RPL10A: variants seen among roughly 807,000 people sequenced by gnomAD.
RPL10A encodes ribosomal protein L10a.
In RPL10A, 11 loss-of-function variants were observed where a neutral mutation model predicts 24.6. The observed-to-expected ratio is 0.45, with a 90% CI of 0.28 to 0.74. The LOEUF is 0.74. RPL10A is among the 30% of genes least tolerant of loss of function. The probability of loss-of-function intolerance (pLI) is 0.13; values close to 1 mark genes in which losing one functional copy is unlikely to be tolerated. For synonymous variants in RPL10A, 98 were observed against 108.5 expected, an observed-to-expected ratio of 0.90 and a Z score of 0.60; for missense variants, 136 against 273.1, an observed-to-expected ratio of 0.50 and a Z score of 3.54.
chr6:35,470,638 A>G lies in RPL10A; in HGVS notation c.542A>G (p.Tyr181Cys), dbSNP rs1308665260. Residue 181 changes from tyrosine to cysteine, a missense_variant, in exon 6 of 6, where the codon TAT (tyrosine) becomes TGT (cysteine). Transcript: ENST00000322203. This position sits in a 1 kb window ranked among gnomAD's most constrained non-coding sequence, Gnocchi z 4.6. ...HVKMTDDELV[Y>C]NIHLAVNFLV... ...AAGATGACAGACGATGAGCTTGTGT[A>G]TAACATTCACCTGGCTGTCAACTTC... is the stretch of plus-strand genomic sequence containing the variant. The G allele has an allele frequency of 1.9e-6, 3 of 1,613,946 alleles. No individual in the cohort carries two copies. The highest frequency in any genetic ancestry group is 2.5e-6 in the Non-Finnish European group (3 of 1,179,952).
intron 1 of RPL10A, 140 bp downstream of exon 1, chr6:35,468,579 G>A: frequency 6.3e-7 from 1 of 1,580,296 alleles, no homozygotes; most frequent in Non-Finnish European, 8.6e-7. Flanking sequence ...TCGGCCTGCG[G>A]GTCGCCCTTC....
chr6:35,468,920 G>A (rs1434419083), intron 2 of RPL10A, 27 bp from the exon 3 acceptor site: 4 of 1,613,684 alleles, frequency 2.5e-6, no homozygotes, highest in African/African-American at 2.7e-5. Flanking sequence ...GGGCCGGCGG[G>A]TGCTTAACCC....
intron 3 of RPL10A, 91 bp downstream of exon 3, chr6:35,469,118 G>C (rs1767962640): frequency 1.0e-5 from 16 of 1,569,444 alleles, no homozygotes; most frequent in Admixed American, 1.8e-5. Flanking sequence ...CGGGCACGTC[G>C]GTACTGATGT....
At chr6:35,469,142 A>C in intron 3 of RPL10A, 115 bp downstream of exon 3, 2 of 1,514,274 alleles carry the variant, frequency 1.3e-6, no homozygotes, top group East Asian at 4.8e-5. Flanking sequence ...AGGGTAGTTC[A>C]GACCCCCTGC....
At chr6:35,468,710 C>T (rs1401767494) in intron 1 of RPL10A, 89 bp from the exon 2 acceptor site, 7 of 1,538,452 alleles carry the variant, frequency 4.6e-6, no homozygotes, top group South Asian at 1.2e-5. Flanking sequence ...GCCGCCCGCC[C>T]GTCTCGAAGC....
rs1003951962 is a variant in RPL10A at position 35,468,529 on chromosome 6, C to A, written c.5+90C>A. ...GGATCCTGTAGGCCGCGCCGCGGAC[C>A]CTTGCGCCACCTGCGCCGCGGGGCA... On this transcript the variant is annotated intron_variant, in intron 1 of 5. Transcript: ENST00000322203. 1.4e-5 allele frequency: 22 copies of A among 1,609,752 alleles called. No homozygotes were observed. The East Asian group carries it at 4.7e-4, about 34-fold the overall frequency.
chr6:35,470,134 G>C lies in RPL10A; in HGVS notation c.311-45G>C. Reference sequence around the variant, plus strand: ...CCTGCCACATTTGAGGTGTGCCTTGGTGACCAGGTTCTAAGCAATGCCAAT... The same window carrying C: ...CCTGCCACATTTGAGGTGTGCCTTGCTGACCAGGTTCTAAGCAATGCCAAT... On this transcript the variant is annotated intron_variant, in intron 4 of 5. Transcript: ENST00000322203. This position sits in a 1 kb window ranked among gnomAD's most constrained non-coding sequence, Gnocchi z 4.6. 1 of 1,579,990 alleles carries C rather than the reference G, an allele frequency of 6.3e-7. No individual in the cohort carries two copies. The highest frequency in any genetic ancestry group is 1.3e-5 in the African/African-American group (1 of 74,170).
At position 35,468,978 on chromosome 6, in the gene RPL10A, T is replaced by C. The variant is rs771479417; in HGVS notation, c.112T>C (p.Leu38=). The change falls in exon 3 of 6, where the codon TTG becomes CTG. Residue 38 remains leucine, a synonymous_variant. Transcript: ENST00000322203. ...FLETVELQIS[L]KNYDPQKDKR... ...GGAGACGGTGGAGTTGCAGATCAGC[T>C]TGAAGAACTATGATCCCCAGAAGGA... The C allele has an allele frequency of 6.2e-7, 1 of 1,613,678 alleles. No homozygotes were observed. The highest frequency in any genetic ancestry group is 1.7e-5 in the Admixed American group (1 of 60,012).
Position 35,470,440 on chromosome 6 carries a change from C to T in RPL10A, c.483+89C>T, listed in dbSNP as rs1768009082. ...CTCTAAATATGCCAGTAAGAGCACCCACCAGGATTGAAACTTTTGGAGTAA... is the reference window on the plus strand; with the variant it reads ...CTCTAAATATGCCAGTAAGAGCACCTACCAGGATTGAAACTTTTGGAGTAA... On this transcript the variant is annotated intron_variant, in intron 5 of 5. Coordinates refer to ENST00000322203, the MANE Select transcript of RPL10A (RefSeq NM_007104.5). This position sits in a 1 kb window ranked among gnomAD's most constrained non-coding sequence, Gnocchi z 4.6. The T allele has an allele frequency of 6.6e-7, 1 of 1,514,096 alleles. No homozygotes were observed. The highest frequency in any genetic ancestry group is 1.4e-5 in the African/African-American group (1 of 72,584). 93.8% of individuals were successfully genotyped at this position (1,514,096 alleles called of 1,614,324 possible). A position where few individuals can be genotyped will look rare whatever the true frequency, so the allele number is the denominator to read the frequency against.
intron 3 of RPL10A, 121 bp from the exon 4 acceptor site, chr6:35,469,260 G>T: frequency 2.0e-6 from 3 of 1,502,988 alleles, no homozygotes; most frequent in Non-Finnish European, 2.7e-6. Context: ...AGCCAGGCTG[G>T]CTGCTGGTGA....
chr6:35,469,240 C>T, intron 3 of RPL10A, 141 bp from the exon 4 acceptor site: 1 of 1,491,284 alleles, frequency 6.7e-7, no homozygotes, highest in Non-Finnish European at 8.9e-7. Flanking sequence ...GCCCGCCGGC[C>T]AGCCTGAGAA....
At chr6:35,468,747 C>T in intron 1 of RPL10A, 52 bp from the exon 2 acceptor site, 2 of 1,552,864 alleles carry the variant, frequency 1.3e-6, no homozygotes, top group South Asian at 2.4e-5. Flanking sequence ...TCCAGGCAGT[C>T]CGAGCGTGTG....
intron 1 of RPL10A, 23 bp from the exon 2 acceptor site, chr6:35,468,776 G>A: frequency 6.4e-7 from 1 of 1,571,084 alleles, no homozygotes; most frequent in Non-Finnish European, 8.6e-7. Context: ...GGCCCTGAGC[G>A]CCCTGTCGCT....
chr6:35,469,169 T>C, intron 3 of RPL10A, 142 bp downstream of exon 3: 2 of 1,472,976 alleles, frequency 1.4e-6, no homozygotes, highest in Non-Finnish European at 1.8e-6. Flanking sequence ...CAGGCGCGGC[T>C]GGACGGACCC....
Position 35,468,445 on chromosome 6 carries a change from T to TA in RPL10A, c.5+6_5+7insA. 6.2e-7 allele frequency: 1 copy of TA among 1,613,954 alleles called. No individual in the cohort carries two copies. ...GCGGCGTGAGAAGCCATGAGGTGAG[T>TA]TGGTCCTGAAAGCCCTATCCGCGTT... is the stretch of plus-strand genomic sequence containing the variant. On this transcript the variant is annotated splice_region_variant and intron_variant, in intron 1 of 5. Coordinates refer to ENST00000322203, the MANE Select transcript of RPL10A (RefSeq NM_007104.5).
intron 3 of RPL10A, 109 bp from the exon 4 acceptor site, chr6:35,469,272 T>C: frequency 6.6e-7 from 1 of 1,506,540 alleles, no homozygotes; most frequent in Non-Finnish European, 8.8e-7. Flanking sequence ...TGCTGGTGAA[T>C]GTGAACGCTC....
At position 35,470,584 on chromosome 6, in the gene RPL10A, T is replaced by C; in HGVS notation, c.488T>C (p.Leu163Ser). 1 of 1,613,788 alleles carries C rather than the reference T, an allele frequency of 6.2e-7. No homozygotes were observed. Among genetic ancestry groups the C allele is most frequent in the South Asian group, 1.1e-5 (1 of 91,042 alleles). ...STIKFQMKKV[L>S]CLAVAVGHVK... ...TCCTCTCTTCCCTCCTCCCAGGTGT[T>C]ATGTCTGGCTGTAGCTGTTGGTCAC... Residue 163 changes from leucine (L) to serine (S), a missense_variant, in exon 6 of 6, where the codon TTA becomes TCA. Transcript: ENST00000322203. This position sits in a 1 kb window ranked among gnomAD's most constrained non-coding sequence, Gnocchi z 4.6.
chr6:35,469,056 C>G (rs760090708), intron 3 of RPL10A, 29 bp downstream of exon 3: 54 of 1,609,998 alleles, frequency 3.4e-5, no homozygotes, highest in Non-Finnish European at 4.3e-5. Flanking sequence ...CCACCCAGCC[C>G]TCAGTGCCCC....
intron 4 of RPL10A, among the ~76,000 whole-genome samples, chr6:35,469,919 A>AT (rs1767989917): frequency 1.3e-5 from 2 of 152,216 alleles, no homozygotes; most frequent in Non-Finnish European, 2.9e-5. Flanking sequence ...TCTTGACCAG[A>AT]GCATCCGTTG....
Sources: gnomAD v4.1 joint callset for allele counts (sites outside exome capture counted in the v4.1 genomes callset) on GRCh38, gnomAD v4.1.1 for gene constraint, Gnocchi (gnomAD v3.1) non-coding constraint, MANE v1.5 for transcripts, NCBI Gene and HGNC (gene_info 2026-07-23, HGNC 2026-07-21) for gene names.